The following PDE1C variants were observed in gnomAD, a reference collection of about 807,000 sequenced individuals.
PDE1C encodes phosphodiesterase 1C.
PDE1C carries 62 observed loss-of-function variants against 93.1 expected under a neutral mutation model. The ratio of observed to expected loss-of-function variants is 0.67; its 90% CI spans 0.54 to 0.82. PDE1C has a LOEUF of 0.82. Ranked by LOEUF, PDE1C falls within the 40% of genes least tolerant of loss-of-function variation. The pLI is 0.00. For synonymous variants in PDE1C, 325 were observed against 310.1 expected (o/e 1.05, Z -0.50); for missense variants, 742 against 884.6 (o/e 0.84, Z 2.04).
Position 31,823,057 on chromosome 7 carries a change from G to T in PDE1C, c.1582+16C>A, listed in dbSNP as rs529398859. The T allele has an allele frequency of 2.1e-5, 33 of 1,601,576 alleles. No individual in the cohort carries two copies. In the East Asian group the frequency reaches 7.0e-4, roughly 34 times the overall value. Reference sequence around the variant, plus strand: ...TTTTATGCTGAATTGGTTTGGACAGGTCTGTGGCATGTTACCTTTGGGTAC... The same window carrying T: ...TTTTATGCTGAATTGGTTTGGACAGTTCTGTGGCATGTTACCTTTGGGTAC... On this transcript the variant is annotated intron_variant, in intron 14 of 17. Transcript: ENST00000396191.
At chr7:31,923,402 G>A (rs764557992) in intron 2 of PDE1C, among the ~76,000 whole-genome samples, 5 of 152,126 alleles carry the variant, frequency 3.3e-5, no homozygotes, top group Non-Finnish European at 5.9e-5. Flanking sequence ...GTGGCCCCAA[G>A]ACACCTGCAT....
At position 31,798,346 on chromosome 7, in the gene PDE1C, CA is replaced by C. The variant is rs560464469; in HGVS notation, c.1891+10684del. 1.4e-3 allele frequency among the ~76,000 whole-genome samples: 217 copies of C among 151,642 alleles called. 2 individuals are homozygous for C. The highest frequency in any genetic ancestry group is 2.1e-3 in the Non-Finnish European group (142 of 67,750). On this transcript the variant is annotated intron_variant, in intron 16 of 17. Coordinates refer to ENST00000396191, the MANE Select transcript of PDE1C (RefSeq NM_001191057.4). ...GTGTAGAGCTCTTCTAGCTAATCAG[CA>C]GCCTCTCTTTCTAATCATCACATAT...
At chr7:32,390,391 CCT>C (rs1236752567) in intron 1 of PDE1C, among the ~76,000 whole-genome samples, 2 of 152,050 alleles carry the variant, frequency 1.3e-5, no homozygotes, top group Non-Finnish European at 2.9e-5. Flanking sequence ...GTTGTCACAA[CCT>C]GGGGGCGCTA....
chr7:32,420,908 A>G (rs1250575551), intron 1 of PDE1C, among the ~76,000 whole-genome samples: 1 of 152,104 alleles, frequency 6.6e-6, no homozygotes, highest in Admixed American at 6.6e-5. Context: ...CAAAAATCAA[A>G]TCAGTGTCTG....
At chr7:31,786,893 TTATC>T (rs6150055) in intron 16 of PDE1C, 67 of 146,058 alleles carry the variant, frequency 4.6e-4, no homozygotes, top group Middle Eastern at 6.9e-3. Flanking sequence ...ATATATTATA[TTATC>T]TATCTATCTA....
At chr7:32,078,628 T>C (rs548756098) in intron 3 of PDE1C, among the ~76,000 whole-genome samples, 1 of 152,078 alleles carries the variant, frequency 6.6e-6, no homozygotes, top group Non-Finnish European at 1.5e-5. Context: ...GACTACCGTA[T>C]TAAAGTTTAG....
chr7:32,330,471 T>C lies in PDE1C; in HGVS notation c.310+97351A>G, dbSNP rs139982610. On this transcript the variant is annotated intron_variant, in intron 1 of 1. Transcript: ENST00000672256. ...GAGACTGGGGAAAACATCAAATTAA[T>C]TGATATCATCACAGAGTTATATTAC... is the stretch of plus-strand genomic sequence containing the variant. Among the ~76,000 whole-genome samples the C allele has an allele frequency of 1.3e-4, 20 of 152,352 alleles. No homozygotes were observed. In the East Asian group the frequency reaches 2.9e-3, roughly 22 times the overall value.
At chr7:32,425,443 C>T (rs943379268) in intron 1 of PDE1C, among the ~76,000 whole-genome samples, 1 of 151,930 alleles carries the variant, frequency 6.6e-6, no homozygotes, top group Non-Finnish European at 1.5e-5. Flanking sequence ...TGATATAAAA[C>T]TCAGAATGTA....
At chr7:32,019,219 T>C (rs1788328680) in intron 2 of PDE1C, among the ~76,000 whole-genome samples, 1 of 147,754 alleles carries the variant, frequency 6.8e-6, no homozygotes, top group South Asian at 2.1e-4. Flanking sequence ...GGCTGCGTGG[T>C]AAGAGAAACA....
intron 16 of PDE1C, among the ~76,000 whole-genome samples, chr7:31,803,775 A>G (rs1392963471): frequency 2.6e-5 from 4 of 151,832 alleles, no homozygotes; most frequent in Non-Finnish European, 5.9e-5. Context: ...TATGTGCCAC[A>G]TTTTCTTAAT....
At position 32,022,799 on chromosome 7, in the gene PDE1C, GA is replaced by G. The variant is rs149221940; in HGVS notation, c.128+28754del. 4.3e-4 allele frequency among the ~76,000 whole-genome samples: 63 copies of G among 147,790 alleles called. 1 individual carries two copies. Among genetic ancestry groups the G allele is most frequent in the African/African-American group, 1.3e-3 (54 of 40,408 alleles). ...TTCTGCCATCAAATTAGATCTACTT[GA>G]AAAAAAAAATTAACGACAGAATTTT... is the stretch of plus-strand genomic sequence containing the variant. On this transcript the variant is annotated intron_variant, in intron 2 of 17. Transcript: ENST00000396191.
the PDE1C span, among the ~76,000 whole-genome samples, chr7:31,656,959 C>T: frequency 8.0e-5 from 12 of 149,630 alleles, no homozygotes; most frequent in Non-Finnish European, 1.5e-4. Flanking sequence ...CCTCCAAATA[C>T]CACCCCCGAT....
chr7:32,060,742 G>C (rs73098651), intron 1 of PDE1C, among the ~76,000 whole-genome samples: 14,639 of 151,980 alleles, frequency 0.096, 799 homozygotes, highest in African/African-American at 0.14. Context: ...ACTAATTTCA[G>C]TCAGTGATTT....
chr7:32,180,288 T>A (rs943976313), intron 2 of PDE1C, among the ~76,000 whole-genome samples: 2 of 152,052 alleles, frequency 1.3e-5, no homozygotes, highest in African/African-American at 4.8e-5. Flanking sequence ...ACATCAGGGG[T>A]GGGGAAAAGG....
chr7:31,697,442 A>C, the PDE1C span, among the ~76,000 whole-genome samples: 1 of 152,172 alleles, frequency 6.6e-6, no homozygotes, highest in South Asian at 2.1e-4. Context: ...GCTTCCACGG[A>C]TTTTGCGTCT....
At chr7:32,031,384 C>T (rs943997803) in intron 2 of PDE1C, among the ~76,000 whole-genome samples, 1 of 152,156 alleles carries the variant, frequency 6.6e-6, no homozygotes, top group Non-Finnish European at 1.5e-5. Context: ...GATTAAGTAA[C>T]TTGCTTAAAG....
At chr7:32,324,563 A>T (rs367956082) in intron 1 of PDE1C, among the ~76,000 whole-genome samples, 31 of 152,244 alleles carry the variant, frequency 2.0e-4, no homozygotes, top group Admixed American at 2.0e-3. Flanking sequence ...TACTAAAAAA[A>T]GGCAGGGATT....
intron 1 of PDE1C, among the ~76,000 whole-genome samples, chr7:32,359,798 A>G (rs982254334): frequency 6.6e-6 from 1 of 152,176 alleles, no homozygotes; most frequent in African/African-American, 2.4e-5. Context: ...TTCTCATGGA[A>G]GAGCCTTTGC....
chr7:31,662,435 G>A, the PDE1C span, among the ~76,000 whole-genome samples: 3 of 151,902 alleles, frequency 2.0e-5, no homozygotes, highest in Admixed American at 1.3e-4. Flanking sequence ...AAAAAATCCC[G>A]GTAGGCTGTA....
Sources: allele counts gnomAD v4.1 joint callset (sites outside exome capture counted in the v4.1 genomes callset), GRCh38; gene constraint gnomAD v4.1.1; transcripts MANE v1.5; gene names NCBI Gene and HGNC (gene_info 2026-07-23, HGNC 2026-07-21).